UBE3C: variants seen among roughly 807,000 people sequenced by gnomAD.
UBE3C encodes the protein ubiquitin-protein ligase E3C.
In UBE3C, 42 loss-of-function variants were observed where a neutral mutation model predicts 129.4. The ratio of observed to expected loss-of-function variants is 0.32; its 90% CI spans 0.25 to 0.42. The LOEUF (loss-of-function observed/expected upper bound fraction) is 0.42. UBE3C is among the 10% of genes least tolerant of loss of function. The pLI is 1.00. For synonymous variants in UBE3C, 510 were observed against 492.4 expected, an observed-to-expected ratio of 1.04 and a Z score of -0.47; for missense variants, 1,049 against 1,319.1, an observed-to-expected ratio of 0.80 and a Z score of 3.17.
At chr7:157,245,942 G>A (rs1796461021) in intron 18 of UBE3C, among the ~76,000 whole-genome samples, 2 of 135,000 alleles carry the variant, frequency 1.5e-5, no homozygotes, top group South Asian at 4.9e-4. Flanking sequence ...AGTGAGCCGA[G>A]ATCGTGCCAC....
chr7:157,173,761 G>A (rs1019732288), intron 4 of UBE3C, among the ~76,000 whole-genome samples: 2 of 152,012 alleles, frequency 1.3e-5, no homozygotes, highest in South Asian at 2.1e-4. Context: ...ATTTTAGGAC[G>A]AACTACATGT....
At chr7:157,237,120 C>T (rs752875238) in intron 18 of UBE3C, among the ~76,000 whole-genome samples, 27 of 152,108 alleles carry the variant, frequency 1.8e-4, no homozygotes, top group Non-Finnish European at 2.9e-4. Context: ...GAGATGTATT[C>T]CTGAATTCAG....
chr7:157,217,508 A>C (rs552762361), intron 14 of UBE3C, among the ~76,000 whole-genome samples: 15 of 152,228 alleles, frequency 9.9e-5, no homozygotes, highest in Non-Finnish European at 2.1e-4. Context: ...TAATACCTAC[A>C]TCTAAAGCAG....
chr7:157,228,143 CGTT>C (rs1485722619), intron 17 of UBE3C, among the ~76,000 whole-genome samples: 1 of 152,184 alleles, frequency 6.6e-6, no homozygotes, highest in African/African-American at 2.4e-5. Flanking sequence ...TTACGATGCT[CGTT>C]GTCTTATCTC....
intron 1 of UBE3C, among the ~76,000 whole-genome samples, chr7:157,149,533 AC>A (rs1266012340): frequency 6.6e-6 from 1 of 152,058 alleles, no homozygotes; most frequent in African/African-American, 2.4e-5. Context: ...GCACAGGCGG[AC>A]CCTGCACTGG....
intron 1 of UBE3C, 137 bp downstream of exon 1, chr7:157,139,475 C>G (rs1807366964): frequency 1.3e-6 from 1 of 774,874 alleles, no homozygotes; most frequent in Non-Finnish European, 1.8e-6. Flanking sequence ...CTGGCGGGGA[C>G]TCGGGGCTTC....
In UBE3C at chr7:157,176,307, C is replaced by T. The variant is rs543431880; in HGVS notation, c.458+1273C>T. ...TTTTATTTTTGAGATAAGAGTCTTG[C>T]TCTGTCACCCAGGCTGGAATGCAGT... On this transcript the variant is annotated intron_variant, in intron 5 of 22. Transcript: ENST00000348165. 2.6e-5 allele frequency among the ~76,000 whole-genome samples: 4 copies of T among 152,290 alleles called. No homozygotes were observed. In the South Asian group the frequency reaches 8.3e-4, roughly 32 times the overall value.
intron 21 of UBE3C, among the ~76,000 whole-genome samples, chr7:157,256,107 A>T (rs138148498): frequency 6.2e-4 from 94 of 152,222 alleles, no homozygotes; most frequent in African/African-American, 2.2e-3. Flanking sequence ...ATTCATCTTT[A>T]TAGTTACAGG....
At chr7:157,165,397 C>CTTTTTTT (rs34554349) in intron 2 of UBE3C, among the ~76,000 whole-genome samples, 2 of 124,706 alleles carry the variant, frequency 1.6e-5, no homozygotes, top group Non-Finnish European at 3.3e-5. Context: ...TTAGCATTGA[C>CTTTTTTT]TTTTTTTTTT....
chr7:157,148,356 G>A (rs1006059302), intron 1 of UBE3C, among the ~76,000 whole-genome samples: 1 of 152,124 alleles, frequency 6.6e-6, no homozygotes, highest in Non-Finnish European at 1.5e-5. Flanking sequence ...GCCCACCTCA[G>A]CTTCCCAATG....
At chr7:157,143,732 G>A (rs562450439) in intron 1 of UBE3C, among the ~76,000 whole-genome samples, 4 of 152,216 alleles carry the variant, frequency 2.6e-5, no homozygotes, top group Admixed American at 2.0e-4. Flanking sequence ...GGGAGTGGTC[G>A]TTGACTGAAT....
chr7:157,170,404 G>A lies in UBE3C; in HGVS notation c.296G>A (p.Arg99Lys), dbSNP rs774712232. 1 of 1,570,044 alleles carries A rather than the reference G, an allele frequency of 6.4e-7. No individual in the cohort carries two copies. Among genetic ancestry groups the A allele is most frequent in the Non-Finnish European group, 8.6e-7 (1 of 1,160,924 alleles). ...GGCCCCAACCTTACCCTTTTGGTAA[G>A]GCAGCTTCTGTTTTTTTACAAACAA... ...ANGPNLTLLV[R>K]QLLFFYKQNE... The change falls in exon 4 of 23, where the codon AGG (arginine) becomes AAG (lysine). Residue 99 changes from arginine (R) to lysine (K), a missense_variant. Transcript: ENST00000348165.
intron 13 of UBE3C, among the ~76,000 whole-genome samples, chr7:157,215,476 T>C (rs2117030707): frequency 6.7e-6 from 1 of 148,270 alleles, no homozygotes; most frequent in South Asian, 2.1e-4. Flanking sequence ...TAAATTTATA[T>C]ATTATATATA....
intron 22 of UBE3C, among the ~76,000 whole-genome samples, chr7:157,261,175 G>A (rs1437359499): frequency 6.6e-6 from 1 of 151,894 alleles, no homozygotes. Context: ...GCATGGTGGT[G>A]CATGCCTGTA....
intron 1 of UBE3C, among the ~76,000 whole-genome samples, chr7:157,156,300 CTTTTTTTTT>C (rs1173730075): frequency 1.2e-5 from 1 of 85,886 alleles, no homozygotes; most frequent in Non-Finnish European, 2.2e-5. Context: ...ACCCCCAGTT[CTTTTTTTTT>C]TTTTTTTTTT....
chr7:157,253,656 T>A (rs1008328159), intron 19 of UBE3C, among the ~76,000 whole-genome samples: 1 of 152,204 alleles, frequency 6.6e-6, no homozygotes, highest in African/African-American at 2.4e-5. Context: ...GATTTCTCAT[T>A]TTTGTTTAAG....
At chr7:157,184,116 T>A (rs1396607431) in intron 9 of UBE3C, 87 bp downstream of exon 9, 5 of 1,538,410 alleles carry the variant, frequency 3.3e-6, no homozygotes, top group Non-Finnish European at 4.4e-6. Flanking sequence ...TAGTTTCAGT[T>A]ACACAAGTCA....
chr7:157,199,356 T>A (rs2116980174), intron 10 of UBE3C, among the ~76,000 whole-genome samples: 1 of 152,202 alleles, frequency 6.6e-6, no homozygotes. Context: ...TTATCAGGCA[T>A]ATGGTAAGGA....
At position 157,198,678 on chromosome 7, in the gene UBE3C, G is replaced by A. The variant is rs189472054; in HGVS notation, c.1332-3043G>A. On this transcript the variant is annotated intron_variant, in intron 10 of 22. Transcript: ENST00000348165. ...GCCTCCTGAGCAGCTGGGATTACAG[G>A]CATGCGCCACCACACCTAGCAAATT... 2.1e-3 allele frequency among the ~76,000 whole-genome samples: 323 copies of A among 152,214 alleles called. 1 individual carries two copies. Among genetic ancestry groups the A allele is most frequent in the Non-Finnish European group, 3.5e-3 (238 of 68,012 alleles).
Sources: gnomAD v4.1 joint callset for allele counts (sites outside exome capture counted in the v4.1 genomes callset) on GRCh38, gnomAD v4.1.1 for gene constraint, MANE v1.5 for transcripts, NCBI Gene and HGNC (gene_info 2026-07-23, HGNC 2026-07-21) for gene names.